The following SYT1 variants were observed in gnomAD, a reference collection of about 807,000 sequenced individuals.
The protein encoded by SYT1 is synaptotagmin-1.
A neutral mutation model predicts 44.8 loss-of-function variants in SYT1; 8 were observed. The ratio of observed to expected loss-of-function variants is 0.18; its 90% confidence interval spans 0.10 to 0.32. SYT1 has a LOEUF of 0.32. Among genes scored for constraint, SYT1 ranks in the 10% least tolerant of loss-of-function variants. SYT1 has a pLI of 1.00. For missense variants in SYT1, 286 were observed against 509.3 expected (o/e 0.56, Z 4.22); for synonymous variants, 154 against 188.8 (o/e 0.82, Z 1.51).
chr12:78,911,532 A>G (rs1876325713), intron 1 of SYT1, among the ~76,000 whole-genome samples: 1 of 59,682 alleles, frequency 1.7e-5, no homozygotes, highest in South Asian at 3.3e-4. Flanking sequence ...AGACCTGGAA[A>G]GACATGGTTT....
chr12:79,426,411 CAT>C (rs1869452685), intron 9 of SYT1, among the ~76,000 whole-genome samples: 1 of 151,898 alleles, frequency 6.6e-6, no homozygotes, highest in African/African-American at 2.4e-5. Flanking sequence ...AAAAAAAAAA[CAT>C]ATTTCACAGC....
At chr12:78,919,973 C>G (rs1657140672) in intron 1 of SYT1, among the ~76,000 whole-genome samples, 1 of 151,616 alleles carries the variant, frequency 6.6e-6, no homozygotes, top group Non-Finnish European at 1.5e-5. Flanking sequence ...GCATTGCCAG[C>G]CTCAGACACC....
intron 1 of SYT1, among the ~76,000 whole-genome samples, chr12:78,916,331 T>C (rs1876653298): frequency 6.6e-6 from 1 of 152,062 alleles, no homozygotes; most frequent in African/African-American, 2.4e-5. Flanking sequence ...AACAAAATTC[T>C]CATGTGAAGT....
chr12:79,279,144 C>T (rs1209103831), intron 4 of SYT1, among the ~76,000 whole-genome samples: 1 of 151,976 alleles, frequency 6.6e-6, no homozygotes, highest in Admixed American at 6.6e-5. Flanking sequence ...AGAGAATCCT[C>T]CCTAACTCAT....
At chr12:79,057,629 G>A (rs1467766071) in intron 3 of SYT1, among the ~76,000 whole-genome samples, 3 of 151,782 alleles carry the variant, frequency 2.0e-5, no homozygotes, top group Non-Finnish European at 4.4e-5. Context: ...TTTCTCTTTT[G>A]TACTTTAAAA....
At chr12:79,082,725 A>C (rs1362382550) in intron 3 of SYT1, among the ~76,000 whole-genome samples, 1 of 152,218 alleles carries the variant, frequency 6.6e-6, no homozygotes, top group South Asian at 2.1e-4. Flanking sequence ...TGAAAGAAAG[A>C]GCTAAGGCAA....
At chr12:78,882,637 A>G (rs2137058327) in intron 1 of SYT1, among the ~76,000 whole-genome samples, 1 of 151,932 alleles carries the variant, frequency 6.6e-6, no homozygotes, top group African/African-American at 2.4e-5. Flanking sequence ...ATATTTCGGT[A>G]AACCCTAAGT....
At chr12:78,881,504 G>C (rs1460956770) in intron 1 of SYT1, among the ~76,000 whole-genome samples, 1 of 151,676 alleles carries the variant, frequency 6.6e-6, no homozygotes, top group Admixed American at 6.6e-5. Context: ...GCACATAACA[G>C]ACATTATCGA....
chr12:79,437,254 G>A (rs1870142924), intron 9 of SYT1, among the ~76,000 whole-genome samples: 1 of 152,142 alleles, frequency 6.6e-6, no homozygotes, highest in South Asian at 2.1e-4. Flanking sequence ...ATCAAATATA[G>A]CTTTAATAAT....
chr12:79,188,251 T>G (rs1467686972), intron 3 of SYT1, among the ~76,000 whole-genome samples: 8 of 152,236 alleles, frequency 5.3e-5, no homozygotes, highest in African/African-American at 1.7e-4. Context: ...AATAGAGACA[T>G]TCTACAAATG....
At position 79,004,110 on chromosome 12, in the gene SYT1, A is replaced by G. The variant is rs529640571; in HGVS notation, c.-84+26179A>G. Among the ~76,000 whole-genome samples, 7 of 152,100 alleles carry G rather than the reference A, an allele frequency of 4.6e-5. No individual in the cohort carries two copies. In the South Asian group the frequency reaches 1.2e-3, roughly 27 times the overall value. On this transcript the variant is annotated intron_variant, in intron 2 of 10. Coordinates refer to ENST00000261205, the MANE Select transcript of SYT1 (RefSeq NM_005639.3). ...AGGTAATCACATTTAGTTTATATGT[A>G]TAAGAAATGATAATGAAAAAACATT...
At chr12:79,214,484 T>C (rs570931384) in intron 3 of SYT1, among the ~76,000 whole-genome samples, 13 of 152,352 alleles carry the variant, frequency 8.5e-5, no homozygotes, top group African/African-American at 2.9e-4. Context: ...AGTCTTATTG[T>C]TCCTATAGTC....
chr12:79,154,765 T>C (rs997790007), intron 3 of SYT1, among the ~76,000 whole-genome samples: 3 of 152,130 alleles, frequency 2.0e-5, no homozygotes, highest in Admixed American at 2.0e-4. Context: ...ACCTGGAATG[T>C]GTGAAGATAA....
At chr12:79,227,172 C>T (rs1875571623) in intron 4 of SYT1, among the ~76,000 whole-genome samples, 2 of 152,042 alleles carry the variant, frequency 1.3e-5, no homozygotes, top group South Asian at 4.1e-4. Flanking sequence ...GAAACATATT[C>T]AAACCAAATT....
chr12:79,232,845 C>T (rs1464138590), intron 4 of SYT1, among the ~76,000 whole-genome samples: 4 of 152,034 alleles, frequency 2.6e-5, no homozygotes, highest in South Asian at 2.1e-4. Context: ...AGAGCTCTTA[C>T]GGGAAAAGGG....
chr12:78,973,386 A>G (rs1485697388), intron 1 of SYT1, among the ~76,000 whole-genome samples: 2 of 152,072 alleles, frequency 1.3e-5, no homozygotes, highest in African/African-American at 2.4e-5. Flanking sequence ...CTTTTGGTCA[A>G]CATCTCCCCA....
intron 1 of SYT1, among the ~76,000 whole-genome samples, chr12:78,966,049 C>G (rs1308108557): frequency 1.4e-5 from 2 of 146,078 alleles, no homozygotes; most frequent in Admixed American, 1.4e-4. Flanking sequence ...TGCATTCTAG[C>G]TTGGGTGATA....
At chr12:79,365,523 C>G (rs1293602481) in intron 9 of SYT1, among the ~76,000 whole-genome samples, 8 of 151,994 alleles carry the variant, frequency 5.3e-5, no homozygotes, top group Admixed American at 2.6e-4. Flanking sequence ...ATGAGTAACA[C>G]ACGAAAAGAA....
chr12:78,972,131 T>C (rs1222752717), intron 1 of SYT1, among the ~76,000 whole-genome samples: 1 of 152,144 alleles, frequency 6.6e-6, no homozygotes, highest in Non-Finnish European at 1.5e-5. Context: ...TAGGTGAAAG[T>C]CTCGCTCTTC....
Sources: allele counts gnomAD v4.1 joint callset (sites outside exome capture counted in the v4.1 genomes callset), GRCh38; gene constraint gnomAD v4.1.1; transcripts MANE v1.5; gene names NCBI Gene and HGNC (gene_info 2026-07-23, HGNC 2026-07-21).